SPTAN1: variants seen among roughly 807,000 people sequenced by gnomAD.
The protein encoded by SPTAN1 is spectrin alpha, non-erythrocytic 1.
A neutral mutation model predicts 331.3 loss-of-function variants in SPTAN1; 61 were observed. The observed-to-expected ratio is 0.18, with a 90% CI of 0.15 to 0.23. The LOEUF (loss-of-function observed/expected upper bound fraction) is 0.23, where lower values mean the gene tolerates loss of function less well. SPTAN1 is among the 10% of genes least tolerant of loss of function. The pLI, the probability that SPTAN1 is intolerant of heterozygous loss-of-function variation, is 1.00. For synonymous variants in SPTAN1, 1,153 were observed against 1,173.9 expected (o/e 0.98, Z 0.36); for missense variants, 2,043 against 3,147.9 (o/e 0.65, Z 8.40).
At chr9:128,611,637 C>T in intron 37 of SPTAN1, 77 bp from the exon 38 acceptor site, 1 of 1,577,500 alleles carries the variant, frequency 6.3e-7, no homozygotes, top group Non-Finnish European at 8.6e-7. Context: ...CACTCCCTGC[C>T]TCTGAGAACC....
intron 1 of SPTAN1, chr9:128,555,413 A>C: frequency 1.6e-6 from 2 of 1,289,488 alleles, no homozygotes; most frequent in South Asian, 2.5e-5. Context: ...TTTGACGAGC[A>C]TGCAGAAAAC....
At chr9:128,573,513 A>G (rs752072982) in intron 3 of SPTAN1, among the ~76,000 whole-genome samples, 2 of 152,166 alleles carry the variant, frequency 1.3e-5, no homozygotes, top group Admixed American at 6.5e-5. Context: ...CTGGAGTTCA[A>G]TGGCACAATC....
chr9:128,592,319 G>T (rs2131332124), intron 22 of SPTAN1, among the ~76,000 whole-genome samples: 1 of 150,460 alleles, frequency 6.6e-6, no homozygotes, highest in South Asian at 2.1e-4. Flanking sequence ...CTGTCATCCA[G>T]ACTGGAGTGC....
At chr9:128,613,945 C>T (rs575368320) in intron 40 of SPTAN1, among the ~76,000 whole-genome samples, 6 of 150,310 alleles carry the variant, frequency 4.0e-5, no homozygotes, top group Admixed American at 2.0e-4. Flanking sequence ...GCGGAGGTTG[C>T]GGTAAGCCAA....
chr9:128,560,294 G>A (rs1289532722), intron 1 of SPTAN1, among the ~76,000 whole-genome samples: 2 of 151,778 alleles, frequency 1.3e-5, no homozygotes, highest in Admixed American at 1.3e-4. Flanking sequence ...GTGTTGCCCA[G>A]GCTTGTCTCG....
At chr9:128,566,047 G>A (rs1849996423) in intron 1 of SPTAN1, among the ~76,000 whole-genome samples, 1 of 152,142 alleles carries the variant, frequency 6.6e-6, no homozygotes, top group Non-Finnish European at 1.5e-5. Flanking sequence ...TAATTAGTTA[G>A]AGGATAAAAT....
In SPTAN1 at chr9:128,583,265, G is replaced by A. The variant is rs1321359486; in HGVS notation, c.1995G>A (p.Glu665=). 2 of 1,613,626 alleles carry A rather than the reference G, an allele frequency of 1.2e-6. No homozygotes were observed. The highest frequency in any genetic ancestry group is 2.2e-5 in the East Asian group (1 of 44,896). Reference sequence around the variant, plus strand: ...TCAGTTTGTGGAAGAAACTGCTAGAGGCCACTGAACTGAAAGGTAAGAGAT... The same window carrying A: ...TCAGTTTGTGGAAGAAACTGCTAGAAGCCACTGAACTGAAAGGTAAGAGAT... The part of the protein sequence containing the change: ...EVISLWKKLL[E]ATELKGIKLR... The change falls in exon 15 of 57, where the codon GAG becomes GAA. Residue 665 remains glutamate, a synonymous_variant. Coordinates refer to ENST00000372739, the MANE Select transcript of SPTAN1 (RefSeq NM_001130438.3).
At position 128,633,432 on chromosome 9, in the gene SPTAN1, G is replaced by C; in HGVS notation, c.*98G>C. The C allele has an allele frequency of 6.3e-7, 1 of 1,583,852 alleles. No homozygotes were observed. Among genetic ancestry groups the C allele is most frequent in the East Asian group, 2.2e-5 (1 of 44,756 alleles). ...CTCTCACTTTCCACTGTAACCTTAA[G>C]CCTGCTTAGCTTGGAATAAGACTTA... On this transcript the variant is annotated 3_prime_UTR_variant, in exon 57 of 57. Transcript: ENST00000372739.
intron 40 of SPTAN1, among the ~76,000 whole-genome samples, chr9:128,614,788 AGTT>A (rs903724984): frequency 3.9e-5 from 6 of 152,096 alleles, no homozygotes; most frequent in Non-Finnish European, 8.8e-5. Flanking sequence ...TTGGGGGGTT[AGTT>A]GCAAAGTGGC....
At chr9:128,567,100 G>C in intron 2 of SPTAN1, 123 bp downstream of exon 2, 2 of 1,385,828 alleles carry the variant, frequency 1.4e-6, no homozygotes, top group East Asian at 2.3e-5. Context: ...AATATAATAA[G>C]GAAGGACAAA....
In SPTAN1 at chr9:128,632,446, G is replaced by T; in HGVS notation, c.6975G>T (p.Val2325=). 6.2e-7 allele frequency: 1 copy of T among 1,614,146 alleles called. No individual in the cohort carries two copies. The highest frequency in any genetic ancestry group is 1.1e-5 in the South Asian group (1 of 91,022). Reference sequence around the variant, plus strand: ...TTTCTTCCAGGAACACAACAGGTGTGACTGAGGAGGCCCTCAAAGAATTCA... The same window carrying T: ...TTTCTTCCAGGAACACAACAGGTGTTACTGAGGAGGCCCTCAAAGAATTCA... The part of the protein sequence containing the change: ...QQIQARNTTG[V]TEEALKEFSM... Residue 2325 remains valine, a synonymous_variant, in exon 54 of 57, where the codon GTG becomes GTT. Transcript: ENST00000372739.
At chr9:128,582,973 A>G (rs1727418670) in intron 14 of SPTAN1, 104 bp from the exon 15 acceptor site, 5 of 1,579,222 alleles carry the variant, frequency 3.2e-6, no homozygotes, top group Non-Finnish European at 4.3e-6. Context: ...AATGTAAGCC[A>G]ACTGTTTTAT....
chr9:128,612,213 A>C lies in SPTAN1; in HGVS notation c.5010A>C (p.Thr1670=). ...KEANKQQNFN[T]GIKDFDFWLS... is the part of the protein sequence containing the mutation. ...CCAACAAGCAGCAGAACTTCAACAC[A>C]GGGATCAAGGACTTTGACTTCTGGC... Residue 1670 remains threonine (T), a synonymous_variant, in exon 39 of 57, where the codon ACA becomes ACC. Transcript: ENST00000372739. 1 of 1,614,166 alleles carries C rather than the reference A, an allele frequency of 6.2e-7. No homozygotes were observed. The highest frequency in any genetic ancestry group is 8.5e-7 in the Non-Finnish European group (1 of 1,180,038).
At chr9:128,564,573 T>C (rs914820612) in intron 1 of SPTAN1, among the ~76,000 whole-genome samples, 1 of 80,964 alleles carries the variant, frequency 1.2e-5, no homozygotes, top group Non-Finnish European at 2.5e-5. Context: ...AGGTCCTGTC[T>C]CAAAAACAAA....
intron 1 of SPTAN1, among the ~76,000 whole-genome samples, chr9:128,562,983 CATGTATGTGTATATATAT>C (rs71381773): frequency 0.35 from 42,679 of 120,442 alleles, 7,805 homozygotes; most frequent in Non-Finnish European, 0.42. Context: ...TATATATATA[CATGTATGTGTATATATAT>C]ATATATATAT....
At chr9:128,614,975 T>G in intron 40 of SPTAN1, among the ~76,000 whole-genome samples, 1 of 152,222 alleles carries the variant, frequency 6.6e-6, no homozygotes, top group East Asian at 1.9e-4. Flanking sequence ...ACACATGTGA[T>G]TATATGATAT....
chr9:128,592,092 AC>A (rs1853613822), intron 22 of SPTAN1, among the ~76,000 whole-genome samples: 1 of 151,714 alleles, frequency 6.6e-6, no homozygotes, highest in African/African-American at 2.4e-5. Context: ...GGTATTTCTG[AC>A]TCCACTAGTG....
chr9:128,612,691 C>T (rs1248185897), intron 39 of SPTAN1, among the ~76,000 whole-genome samples: 2 of 152,098 alleles, frequency 1.3e-5, no homozygotes, highest in African/African-American at 2.4e-5. Context: ...TTTGGGAGGC[C>T]GAGGCAGGCA....
rs1475939966 is a variant in SPTAN1 at position 128,632,306 on chromosome 9, G to A, written c.6942G>A (p.Glu2314=). The A allele has an allele frequency of 6.2e-7, 1 of 1,613,486 alleles. No homozygotes were observed. Among genetic ancestry groups the A allele is most frequent in the African/African-American group, 1.3e-5 (1 of 74,940 alleles). The part of the protein sequence containing the change: ...QLGMRMQHNL[E]QQIQARNTTG... ...GCATGCGCATGCAGCACAACCTGGA[G>A]CAGCAGATCCAGGCCAGGTACCCGG... is the stretch of plus-strand genomic sequence containing the variant. The change falls in exon 53 of 57, where the codon GAG becomes GAA. Residue 2314 remains glutamate, a synonymous_variant. Transcript: ENST00000372739.
Sources: allele counts gnomAD v4.1 joint callset (sites outside exome capture counted in the v4.1 genomes callset), GRCh38; gene constraint gnomAD v4.1.1; transcripts MANE v1.5; gene names NCBI Gene and HGNC (gene_info 2026-07-23, HGNC 2026-07-21).